Variants in ADAM17 observed in about 807,000 individuals in gnomAD.
ADAM17 encodes the protein ADAM metallopeptidase domain 17, also known as disintegrin and metalloproteinase domain-containing protein 17.
ADAM17 carries 39 observed loss-of-function variants against 96.7 expected under a neutral mutation model. The observed-to-expected ratio is 0.40, with a 90% CI of 0.31 to 0.53. The LOEUF (loss-of-function observed/expected upper bound fraction) is 0.53, where lower values mean the gene tolerates loss of function less well. Ranked by LOEUF, ADAM17 falls within the 20% of genes least tolerant of loss-of-function variation. ADAM17 has a pLI of 0.44. For missense variants in ADAM17, 777 were observed against 1,013.2 expected (o/e 0.77, Z 3.17); for synonymous variants, 344 against 359.2 (o/e 0.96, Z 0.48).
intron 13 of ADAM17, among the ~76,000 whole-genome samples, chr2:9,499,632 G>C (rs1013447150): frequency 6.6e-6 from 1 of 152,118 alleles, no homozygotes; most frequent in Non-Finnish European, 1.5e-5. Context: ...TCGATCTCCT[G>C]ATCTCGTGAT....
rs78537885 is a variant in ADAM17, at chr2:9,504,815, A to G, written c.1544+351T>C. ...TAACTATAGGACTGCTAAACCAAGG[A>G]GCATGCAAGGTCAAGGATTTTGTTA... On this transcript the variant is annotated intron_variant, in intron 12 of 18. Coordinates refer to ENST00000310823, the MANE Select transcript of ADAM17 (RefSeq NM_003183.6). 5.4e-3 allele frequency among the ~76,000 whole-genome samples: 810 copies of G among 151,208 alleles called. 5 individuals carry two copies. The highest frequency in any genetic ancestry group is 0.019 in the African/African-American group (780 of 41,342).
chr2:9,514,584 G>T (rs1663957455), intron 10 of ADAM17, among the ~76,000 whole-genome samples: 1 of 133,020 alleles, frequency 7.5e-6, no homozygotes, highest in Non-Finnish European at 1.6e-5. Context: ...AAAAGAGACA[G>T]GGTCTCAGGC....
At chr2:9,493,153 T>C (rs1047006383) in intron 16 of ADAM17, among the ~76,000 whole-genome samples, 167 bp from the exon 17 acceptor site, 1 of 152,142 alleles carries the variant, frequency 6.6e-6, no homozygotes, top group Non-Finnish European at 1.5e-5. Context: ...CATCTCTCCA[T>C]ACCAAGTGCT....
intron 3 of ADAM17, among the ~76,000 whole-genome samples, 155 bp from the exon 4 acceptor site, chr2:9,536,077 G>C (rs961470672): frequency 1.5e-4 from 23 of 152,174 alleles, no homozygotes; most frequent in Non-Finnish European, 2.5e-4. Context: ...AAAGAAGCTA[G>C]ATAATCTCAA....
In ADAM17 at chr2:9,532,557, C is replaced by T. The variant is rs1010683629; in HGVS notation, c.450+3277G>A. Among the ~76,000 whole-genome samples, 9 of 152,024 alleles carry T rather than the reference C, an allele frequency of 5.9e-5. No homozygotes were observed. The South Asian group carries it at 8.3e-4, about 14-fold the overall frequency. ...TACAATCTCAGCTCACTGCAGTCTC[C>T]GCCTTCCGAATTCAACTGATCCTAC... On this transcript the variant is annotated intron_variant, in intron 4 of 18. Coordinates refer to ENST00000310823, the MANE Select transcript of ADAM17 (RefSeq NM_003183.6).
intron 13 of ADAM17, among the ~76,000 whole-genome samples, chr2:9,499,113 C>CTTTTT (rs59259119): frequency 4.2e-5 from 2 of 47,536 alleles, no homozygotes; most frequent in African/African-American, 8.6e-5. Flanking sequence ...CTTTCTTCTT[C>CTTTTT]TTTTTTTTTT....
rs1425266344 is a variant in ADAM17 at position 9,516,101 on chromosome 2, T to C, written c.1191+1800A>G. Reference sequence around the variant, plus strand: ...TAATTTGCAATTTCCTAATGACATATGACGCTGAGCATCTTTTCATATGCT... The same window carrying C: ...TAATTTGCAATTTCCTAATGACATACGACGCTGAGCATCTTTTCATATGCT... On this transcript the variant is annotated intron_variant, in intron 10 of 18. Coordinates refer to ENST00000310823, the MANE Select transcript of ADAM17 (RefSeq NM_003183.6). 5.9e-5 allele frequency among the ~76,000 whole-genome samples: 9 copies of C among 152,314 alleles called. No homozygotes were observed. In the East Asian group the frequency reaches 1.4e-3, roughly 23 times the overall value.
intron 12 of ADAM17, 68 bp downstream of exon 12, chr2:9,505,098 C>T (rs1032770696): frequency 1.3e-6 from 2 of 1,524,728 alleles, no homozygotes; most frequent in African/African-American, 1.4e-5. Flanking sequence ...CCTGCAAGTT[C>T]AGTCTTCTCT....
intron 17 of ADAM17, 118 bp downstream of exon 17, chr2:9,492,780 T>C (rs1376720711): frequency 1.3e-6 from 1 of 760,090 alleles, no homozygotes; most frequent in Non-Finnish European, 2.0e-6. Context: ...AAAAAAGCTA[T>C]TGGAAATATC....
At chr2:9,533,222 C>T (rs535670758) in intron 4 of ADAM17, among the ~76,000 whole-genome samples, 1 of 151,234 alleles carries the variant, frequency 6.6e-6, no homozygotes, top group Non-Finnish European at 1.5e-5. Flanking sequence ...GCAAATTTAA[C>T]TTGGATCCTA....
chr2:9,542,324 G>A (rs1353721021), intron 2 of ADAM17, among the ~76,000 whole-genome samples: 2 of 152,178 alleles, frequency 1.3e-5, no homozygotes, highest in African/African-American at 2.4e-5. Flanking sequence ...AAGACCACCT[G>A]AGCCCAGAAG....
At chr2:9,511,670 A>G (rs1462705413) in intron 10 of ADAM17, among the ~76,000 whole-genome samples, 2 of 152,076 alleles carry the variant, frequency 1.3e-5, no homozygotes, top group Non-Finnish European at 1.5e-5. Flanking sequence ...ATTTATCTGA[A>G]TAAAATATCA....
At chr2:9,554,842 T>C (rs906745698) in intron 1 of ADAM17, among the ~76,000 whole-genome samples, 1 of 152,154 alleles carries the variant, frequency 6.6e-6, no homozygotes, top group Non-Finnish European at 1.5e-5. Flanking sequence ...ATAATTTCTT[T>C]GTTTAAAAGT....
intron 1 of ADAM17, among the ~76,000 whole-genome samples, chr2:9,547,846 T>C (rs1198343728): frequency 6.6e-6 from 1 of 151,318 alleles, no homozygotes; most frequent in African/African-American, 2.4e-5. Flanking sequence ...GCCCCAGGAG[T>C]TCAAGACAAG....
rs1661837024 is a variant in ADAM17 at position 9,489,034 on chromosome 2, T to C, written c.*1143A>G. The C allele has an allele frequency of 6.6e-6, 1 of 152,198 alleles. No individual in the cohort carries two copies. Among genetic ancestry groups the C allele is most frequent in the African/African-American group, 2.4e-5 (1 of 41,438 alleles). 9.4% of individuals were successfully genotyped at this position (152,198 alleles called of 1,614,324 possible). A position where few individuals can be genotyped will look rare whatever the true frequency, so the allele number is the denominator to read the frequency against. ...TAAAGTAAGAAGTAATTCAAATATC[T>C]GCTTGTGGGTCAATAAAAAGGGTTT... On this transcript the variant is annotated 3_prime_UTR_variant, in exon 19 of 19. Transcript: ENST00000310823.
intron 8 of ADAM17, among the ~76,000 whole-genome samples, chr2:9,520,277 A>G (rs906975372): frequency 6.6e-6 from 1 of 152,196 alleles, no homozygotes; most frequent in African/African-American, 2.4e-5. Context: ...CGCTTCATAT[A>G]AAGTCATTCT....
intron 4 of ADAM17, among the ~76,000 whole-genome samples, chr2:9,530,172 A>G (rs1278192928): frequency 6.6e-6 from 1 of 152,246 alleles, no homozygotes; most frequent in African/African-American, 2.4e-5. Flanking sequence ...AACTAACCCA[A>G]CTTCCGGGCT....
Position 9,521,056 on chromosome 2 carries a change from G to A in ADAM17, c.957+147C>T, listed in dbSNP as rs969957728. 22 of 508,150 alleles carry A rather than the reference G, an allele frequency of 4.3e-5. No homozygotes were observed. In the Middle Eastern group the frequency reaches 8.9e-4, roughly 21 times the overall value. The allele number at this position is 508,150 out of a possible 1,614,324, so 31.5% of individuals were successfully genotyped here. The stretch of plus-strand genomic sequence containing the variant: ...TTATTTGTTGTCTATGCTGCTACAT[G>A]GGATGGGGTTACTGCTGGATCAGCT... On this transcript the variant is annotated intron_variant, in intron 8 of 18. Transcript: ENST00000310823.
chr2:9,498,876 C>T (rs1662809570), intron 13 of ADAM17, among the ~76,000 whole-genome samples: 1 of 152,134 alleles, frequency 6.6e-6, no homozygotes, highest in African/African-American at 2.4e-5. Context: ...GAGTATTAGA[C>T]AGGTAGGAAA....
Sources: gnomAD v4.1 joint callset for allele counts (sites outside exome capture counted in the v4.1 genomes callset) on GRCh38, gnomAD v4.1.1 for gene constraint, MANE v1.5 for transcripts, NCBI Gene and HGNC (gene_info 2026-07-23, HGNC 2026-07-21) for gene names.